DACH2: variants seen among roughly 807,000 people sequenced by gnomAD.
DACH2 encodes dachshund family transcription factor 2.
Under a neutral mutation model 35.8 loss-of-function variants are expected in DACH2, and 17 were observed. The observed-to-expected ratio is 0.48, with a 90% CI of 0.33 to 0.71. The LOEUF (loss-of-function observed/expected upper bound fraction) is 0.71. Ranked by LOEUF, DACH2 falls within the 30% of genes least tolerant of loss-of-function variation. DACH2 has a pLI of 0.02. For synonymous variants in DACH2, 195 were observed against 177.3 expected (o/e 1.10, Z -0.79); for missense variants, 469 against 472.7 (o/e 0.99, Z 0.07).
intron 2 of DACH2, among the ~76,000 whole-genome samples, chrX:86,405,095 T>C (rs1383361799): frequency 9.0e-6 from 1 of 111,304 alleles, no homozygotes; most frequent in Admixed American, 9.5e-5. Context: ...CAGGTGACCA[T>C]TTTTCCCTCC....
rs185507444 is a variant in DACH2 at position 86,314,614 on chromosome X, C to A, written c.489-62210C>A. Among the ~76,000 whole-genome samples, 20 of 112,080 alleles carry A rather than the reference C, an allele frequency of 1.8e-4. No individual in the cohort carries two copies. In the East Asian group the frequency reaches 2.5e-3, roughly 14 times the overall value. On this transcript the variant is annotated intron_variant, in intron 1 of 11. Coordinates refer to ENST00000373125, the MANE Select transcript of DACH2 (RefSeq NM_053281.3). Reference sequence around the variant, plus strand: ...AGGCCTCTTATGCCAAACAGTTATCCAGATCTTGAATGCAAAGAAAACGTT... The same window carrying A: ...AGGCCTCTTATGCCAAACAGTTATCAAGATCTTGAATGCAAAGAAAACGTT...
chrX:86,358,277 TCTAG>T (rs1396718891), intron 1 of DACH2, among the ~76,000 whole-genome samples: 1 of 111,964 alleles, frequency 8.9e-6, no homozygotes, highest in Non-Finnish European at 1.9e-5. Context: ...AGATCTGTAT[TCTAG>T]CTAGAGTTCT....
chrX:86,336,744 T>G (rs757249192), intron 1 of DACH2, among the ~76,000 whole-genome samples: 1 of 110,339 alleles, frequency 9.1e-6, no homozygotes, highest in Non-Finnish European at 1.9e-5. Context: ...TAGACAGAAG[T>G]AGGCTTCAGA....
chrX:86,357,880 C>T (rs966160112), intron 1 of DACH2, among the ~76,000 whole-genome samples: 2 of 111,795 alleles, frequency 1.8e-5, no homozygotes, highest in East Asian at 5.7e-4. Context: ...CTATCTTCTC[C>T]CATTCATTCT....
intron 1 of DACH2, among the ~76,000 whole-genome samples, chrX:86,336,121 C>T (rs2148054756): frequency 9.0e-6 from 1 of 111,685 alleles, no homozygotes; most frequent in South Asian, 3.8e-4. Context: ...GGTGGATAAG[C>T]TTTTTGATGT....
intron 2 of DACH2, among the ~76,000 whole-genome samples, chrX:86,473,706 C>T (rs1056008230): frequency 9.0e-6 from 1 of 111,413 alleles, no homozygotes; most frequent in African/African-American, 3.3e-5. Flanking sequence ...AAATCTCATT[C>T]TTTTTTATGG....
At chrX:86,487,795 A>G (rs1379590586) in intron 2 of DACH2, among the ~76,000 whole-genome samples, 1 of 112,048 alleles carries the variant, frequency 8.9e-6, no homozygotes, top group Non-Finnish European at 1.9e-5. Flanking sequence ...TTTTGAACTT[A>G]TTATAAAAGT....
At chrX:86,197,820 T>G (rs1020877176) in intron 1 of DACH2, among the ~76,000 whole-genome samples, 4 of 111,236 alleles carry the variant, frequency 3.6e-5, no homozygotes, top group Non-Finnish European at 5.7e-5. Context: ...AGTGAGAGAC[T>G]TTAACACCCC....
chrX:86,812,781 C>T, intron 7 of DACH2, 75 bp from the exon 8 acceptor site: 1 of 696,133 alleles, frequency 1.4e-6, no homozygotes, highest in East Asian at 3.6e-5. Flanking sequence ...TTTATAGATG[C>T]TTAGTAGAGG....
intron 1 of DACH2, among the ~76,000 whole-genome samples, chrX:86,254,781 A>AATATATATATATATATAT (rs1200745075): frequency 8.9e-5 from 2 of 22,583 alleles, no homozygotes; most frequent in Admixed American, 9.1e-4. Context: ...CAAATAAATA[A>AATATATATATATATATAT]ATATATATAT....
intron 1 of DACH2, among the ~76,000 whole-genome samples, chrX:86,326,425 C>T (rs912815920): frequency 9.2e-5 from 10 of 108,112 alleles, no homozygotes; most frequent in Non-Finnish European, 7.6e-5. Flanking sequence ...CAAGACTGTG[C>T]CACTGCACTC....
At chrX:86,635,889 A>G (rs1230505983) in intron 3 of DACH2, among the ~76,000 whole-genome samples, 2 of 111,504 alleles carry the variant, frequency 1.8e-5, no homozygotes, top group African/African-American at 6.5e-5. Context: ...GATGACACAA[A>G]CAAATGGAAA....
At chrX:86,678,123 A>G (rs779971109) in intron 4 of DACH2, among the ~76,000 whole-genome samples, 2 of 111,996 alleles carry the variant, frequency 1.8e-5, no homozygotes, top group East Asian at 5.6e-4. Context: ...AATGCAACCC[A>G]GATTTTAAAG....
intron 7 of DACH2, among the ~76,000 whole-genome samples, chrX:86,767,428 A>G (rs1198207026): frequency 9.8e-5 from 11 of 111,952 alleles, no homozygotes; most frequent in African/African-American, 3.6e-4. Context: ...CATTTTCCCT[A>G]GAAAGCATCA....
intron 7 of DACH2, among the ~76,000 whole-genome samples, chrX:86,763,573 C>T (rs2041903955): frequency 8.9e-6 from 1 of 111,842 alleles, no homozygotes; most frequent in African/African-American, 3.3e-5. Context: ...CCTGCCTCAG[C>T]CTCCTGAGTA....
chrX:86,392,802 C>T (rs745503157), intron 2 of DACH2, among the ~76,000 whole-genome samples: 38 of 111,735 alleles, frequency 3.4e-4, no homozygotes, highest in Non-Finnish European at 4.7e-4. Flanking sequence ...GTGCTACACA[C>T]GCTGCCCCTC....
At chrX:86,814,015 C>T (rs951206907) in intron 9 of DACH2, among the ~76,000 whole-genome samples, 90 of 111,374 alleles carry the variant, frequency 8.1e-4, no homozygotes, top group African/African-American at 2.7e-3. Context: ...AGGAATTTCG[C>T]GCTCCATTAT....
chrX:86,629,920 A>G (rs1050690176), intron 3 of DACH2, among the ~76,000 whole-genome samples: 6 of 111,446 alleles, frequency 5.4e-5, no homozygotes, highest in Non-Finnish European at 7.5e-5. Flanking sequence ...AATTACCAAC[A>G]GACAAGTATA....
rs66948603 is a variant in DACH2, at chrX:86,667,083, TAA to T, written c.772+15938_772+15939del. ...CAACACAGAGAAACCCCATCTCTAC[TAA>T]AAAAAAAAAAAAAAAAAAAAATTAG... On this transcript the variant is annotated intron_variant, in intron 4 of 11. Transcript: ENST00000373125. 4.1e-3 allele frequency among the ~76,000 whole-genome samples: 231 copies of T among 55,722 alleles called. 1 individual carries two copies. Among genetic ancestry groups the T allele is most frequent in the Non-Finnish European group, 5.6e-3 (183 of 32,815 alleles). 48.4% of individuals were successfully genotyped at this position (55,722 alleles called of 115,157 possible). A position where few individuals can be genotyped will look rare whatever the true frequency, so the allele number is the denominator to read the frequency against.
Sources: gnomAD v4.1 joint callset for allele counts (sites outside exome capture counted in the v4.1 genomes callset) on GRCh38, gnomAD v4.1.1 for gene constraint, MANE v1.5 for transcripts, NCBI Gene and HGNC (gene_info 2026-07-23, HGNC 2026-07-21) for gene names.